Variants in SH3TC1 observed in about 807,000 individuals in gnomAD.
The protein encoded by SH3TC1 is SH3 domain and tetratricopeptide repeats 1, also known as SH3 domain and tetratricopeptide repeat-containing protein 1.
SH3TC1 carries 135 observed loss-of-function variants against 117.3 expected under a neutral mutation model. The observed-to-expected ratio is 1.15, with a 90% CI of 1.00 to 1.33. The LOEUF is 1.33. Among genes scored for constraint, SH3TC1 ranks in the 40% most tolerant of loss-of-function variants. The pLI is 0.00. For missense variants in SH3TC1, 2,092 were observed against 1,794.3 expected (o/e 1.17, Z -3.00); for synonymous variants, 898 against 816.9 (o/e 1.10, Z -1.69).
chr4:8,232,593 C>T (rs999060328), intron 13 of SH3TC1: 3 of 1,351,342 alleles, frequency 2.2e-6, no homozygotes, highest in Admixed American at 3.9e-5. Flanking sequence ...GTTGTGTCAC[C>T]TGCTTCCCTG....
intron 10 of SH3TC1, among the ~76,000 whole-genome samples, chr4:8,224,847 G>T (rs2279195): frequency 5.9e-5 from 9 of 152,024 alleles, no homozygotes; most frequent in South Asian, 2.1e-4. Flanking sequence ...CCAGAAGACG[G>T]GAGAGTGGAA....
rs779026576 is a variant in SH3TC1 at position 8,216,104 on chromosome 4, T to C, written c.482-7T>C. ...AGCCCTCGGGTGACTGGGCCTGGCCTCCACAGGCTTCACTCATCACTGCCT... is the reference window on the plus strand; with the variant it reads ...AGCCCTCGGGTGACTGGGCCTGGCCCCCACAGGCTTCACTCATCACTGCCT... On this transcript the variant is annotated splice_polypyrimidine_tract_variant and splice_region_variant and intron_variant, in intron 5 of 17. Transcript: ENST00000245105. The C allele has an allele frequency of 5.0e-6, 8 of 1,612,468 alleles. No individual in the cohort carries two copies. The highest frequency in any genetic ancestry group is 1.3e-5 in the African/African-American group (1 of 75,010).
intron 14 of SH3TC1, among the ~76,000 whole-genome samples, chr4:8,234,795 A>C (rs1721657753): frequency 6.6e-6 from 1 of 152,258 alleles, no homozygotes. Flanking sequence ...GGTATACAGC[A>C]CATGCTCAAA....
At chr4:8,239,248 GACACACAC>G (rs57041483) in intron 17 of SH3TC1, among the ~76,000 whole-genome samples, 51 of 150,384 alleles carry the variant, frequency 3.4e-4, no homozygotes, top group Admixed American at 1.3e-3. Context: ...CACGCACAGG[GACACACAC>G]ACACACACAG....
At chr4:8,185,018 CT>C (rs1219950941) in intron 1 of SH3TC1, among the ~76,000 whole-genome samples, 2,316 of 138,666 alleles carry the variant, frequency 0.017, 59 homozygotes, top group African/African-American at 0.052. Flanking sequence ...TAGGTTTGTT[CT>C]TTTTTTTTTT....
In SH3TC1 at chr4:8,234,586, T is replaced by C. The variant is rs544020041; in HGVS notation, c.3283-847T>C. ...ATCCATTTATCCATCCATCCACCCATCCATCCATCCATCCATCCATGTACC... is the reference window on the plus strand; with the variant it reads ...ATCCATTTATCCATCCATCCACCCACCCATCCATCCATCCATCCATGTACC... On this transcript the variant is annotated intron_variant, in intron 14 of 17. Transcript: ENST00000245105. 6.6e-4 allele frequency among the ~76,000 whole-genome samples: 99 copies of C among 150,906 alleles called. 1 individual carries two copies. Among genetic ancestry groups the C allele is most frequent in the African/African-American group, 9.6e-4 (39 of 40,818 alleles).
At chr4:8,184,914 G>C (rs12646884) in intron 1 of SH3TC1, among the ~76,000 whole-genome samples, 11 of 10,310 alleles carry the variant, frequency 1.1e-3, no homozygotes, top group East Asian at 0.053. Flanking sequence ...ACAGTTAATT[G>C]TTTTGTCAAT....
At position 8,209,593 on chromosome 4, in the gene SH3TC1, T is replaced by C; in HGVS notation, c.173-155T>C. Reference sequence around the variant, plus strand: ...GGCAGCTTCCCTCCTTGCTGGGCTCTGGGGAGACTGGAGGAAGGCAGCTGT... The same window carrying C: ...GGCAGCTTCCCTCCTTGCTGGGCTCCGGGGAGACTGGAGGAAGGCAGCTGT... On this transcript the variant is annotated intron_variant, in intron 2 of 17. Transcript: ENST00000245105. This position sits in a 1 kb window ranked among gnomAD's most constrained non-coding sequence, Gnocchi z 5.9. 1 of 1,527,056 alleles carries C rather than the reference T, an allele frequency of 6.5e-7. No homozygotes were observed. Among genetic ancestry groups the C allele is most frequent in the Non-Finnish European group, 8.8e-7 (1 of 1,138,240 alleles). The allele number at this position is 1,527,056 out of a possible 1,614,324, so 94.6% of individuals were successfully genotyped here. A position where few individuals can be genotyped will look rare whatever the true frequency, so the allele number is the denominator to read the frequency against.
Position 8,190,966 on chromosome 4 carries a change from C to A in SH3TC1, c.-57+8756C>A, listed in dbSNP as rs912589225. 6.6e-6 allele frequency among the ~76,000 whole-genome samples: 1 copy of A among 152,128 alleles called. No individual in the cohort carries two copies. The highest frequency in any genetic ancestry group is 1.5e-5 in the Non-Finnish European group (1 of 68,014). On this transcript the variant is annotated intron_variant, in intron 1 of 16. Coordinates refer to the SH3TC1 transcript ENST00000508641. This position sits in a 1 kb window ranked among gnomAD's most constrained non-coding sequence, Gnocchi z 4.7. ...CCTGGCTCTGTGATTTTACCCTCTC[C>A]GCACCTCTGTTCCTTGTGGTTTTAA...
chr4:8,212,569 C>G (rs780847976), intron 3 of SH3TC1, 132 bp from the exon 4 acceptor site: 1 of 1,268,178 alleles, frequency 7.9e-7, no homozygotes. Context: ...GGGGCTTGGG[C>G]TCCCCAGGAG....
Position 8,228,004 on chromosome 4 carries a change from G to A in SH3TC1, c.2310G>A (p.Arg770=), listed in dbSNP as rs937502006. 4 of 1,611,806 alleles carry A rather than the reference G, an allele frequency of 2.5e-6. No individual in the cohort carries two copies. The highest frequency in any genetic ancestry group is 3.3e-4 in the Middle Eastern group (2 of 6,078). The stretch of plus-strand genomic sequence containing the variant: ...CTGCCCAAACTTCCCACTACCTCAG[G>A]CAAGCGCTGGCCTCCCTGACCCCGG... ...SLPAQTSHYL[R]QALASLTPGT... is the part of the protein sequence containing the mutation. The change falls in exon 12 of 18, where the codon AGG becomes AGA. Residue 770 remains arginine, a synonymous_variant. Transcript: ENST00000245105.
chr4:8,190,966 C>T lies in SH3TC1; in HGVS notation c.-57+8756C>T, dbSNP rs912589225. ...CCTGGCTCTGTGATTTTACCCTCTCCGCACCTCTGTTCCTTGTGGTTTTAA... is the reference window on the plus strand; with the variant it reads ...CCTGGCTCTGTGATTTTACCCTCTCTGCACCTCTGTTCCTTGTGGTTTTAA... On this transcript the variant is annotated intron_variant, in intron 1 of 16. Transcript: ENST00000508641. The surrounding 1 kb of genome is among the most constrained non-coding windows in gnomAD (Gnocchi z 4.7). Among the ~76,000 whole-genome samples the T allele has an allele frequency of 2.0e-5, 3 of 152,128 alleles. 1 individual carries two copies. Among genetic ancestry groups the T allele is most frequent in the South Asian group, 4.2e-4 (2 of 4,814 alleles).
rs537963475 is a variant in SH3TC1, at chr4:8,183,126, G to C, written c.-57+916G>C. The stretch of plus-strand genomic sequence containing the variant: ...GCCTCAGTTTCTCAGCATGCCATCC[G>C]CCTGGCGACCTTGCCTCCCTCTCCC... On this transcript the variant is annotated intron_variant, in intron 1 of 16. Coordinates refer to the SH3TC1 transcript ENST00000508641. This position sits in a 1 kb window ranked among gnomAD's most constrained non-coding sequence, Gnocchi z 5.4. Among the ~76,000 whole-genome samples the C allele has an allele frequency of 1.3e-5, 2 of 152,264 alleles. No individual in the cohort carries two copies. Among genetic ancestry groups the C allele is most frequent in the East Asian group, 3.9e-4 (2 of 5,180 alleles).
chr4:8,187,110 G>C (rs911478595), intron 1 of SH3TC1, among the ~76,000 whole-genome samples: 1 of 152,210 alleles, frequency 6.6e-6, no homozygotes, highest in African/African-American at 2.4e-5. Flanking sequence ...GCCAGGCACA[G>C]TTAATATCCT....
At chr4:8,212,588 C>G (rs960208292) in intron 3 of SH3TC1, 113 bp from the exon 4 acceptor site, 2 of 1,467,656 alleles carry the variant, frequency 1.4e-6, no homozygotes, top group Admixed American at 2.0e-5. Context: ...AGCTCACTGC[C>G]CAGGCCTTCG....
At chr4:8,216,902 G>A (rs1039094017) in intron 6 of SH3TC1, 55 bp from the exon 7 acceptor site, 62 of 1,575,462 alleles carry the variant, frequency 3.9e-5, no homozygotes, top group Middle Eastern at 1.7e-4. Flanking sequence ...GGGGGGCAGG[G>A]CCACAGCTGC....
intron 1 of SH3TC1, among the ~76,000 whole-genome samples, chr4:8,182,759 G>A (rs145843416): frequency 1.8e-3 from 277 of 152,302 alleles, no homozygotes; most frequent in African/African-American, 6.5e-3. Context: ...AGCCCTGGGC[G>A]GGCCCAGAGT....
chr4:8,229,078 C>T (rs978365278), intron 12 of SH3TC1: 5 of 170,238 alleles, frequency 2.9e-5, no homozygotes, highest in East Asian at 1.7e-4. Flanking sequence ...CACCTGTCAT[C>T]CCACTTCACA....
chr4:8,188,942 C>G (rs1717322306), intron 1 of SH3TC1, among the ~76,000 whole-genome samples: 1 of 152,270 alleles, frequency 6.6e-6, no homozygotes, highest in Non-Finnish European at 1.5e-5. Context: ...GCACTGCTCA[C>G]AGGCACACGT....
Sources: gnomAD v4.1 joint callset for allele counts (sites outside exome capture counted in the v4.1 genomes callset) on GRCh38, gnomAD v4.1.1 for gene constraint, Gnocchi (gnomAD v3.1) non-coding constraint, MANE v1.5 for transcripts, NCBI Gene and HGNC (gene_info 2026-07-23, HGNC 2026-07-21) for gene names.